The following CPED1 variants were observed in gnomAD, a reference collection of about 807,000 sequenced individuals.
CPED1 encodes the protein cadherin like and PC-esterase domain containing 1.
In CPED1, 114 loss-of-function variants were observed where a neutral mutation model predicts 128.2. That is an observed-to-expected ratio of 0.89 (90% CI 0.76 to 1.04). CPED1 has a LOEUF of 1.04. CPED1 is among the 50% of genes least tolerant of loss of function. CPED1 has a pLI of 0.00. For synonymous variants in CPED1, 462 were observed against 426.7 expected (o/e 1.08, Z -1.02); for missense variants, 1,211 against 1,207.1 (o/e 1.00, Z -0.05).
chr7:121,261,678 A>G (rs369407993), intron 18 of CPED1: 102 of 1,610,706 alleles, frequency 6.3e-5, no homozygotes, highest in Middle Eastern at 1.6e-4. Context: ...AATTGAAGAC[A>G]CAATCCAGTC....
chr7:121,033,582 T>G (rs1792797675), intron 3 of CPED1, among the ~76,000 whole-genome samples: 1 of 152,228 alleles, frequency 6.6e-6, no homozygotes, highest in Non-Finnish European at 1.5e-5. Flanking sequence ...GTTTTATGCC[T>G]TATATCCTCT....
chr7:121,251,764 A>G (rs1380401011), intron 18 of CPED1, among the ~76,000 whole-genome samples: 1 of 149,014 alleles, frequency 6.7e-6, no homozygotes, highest in East Asian at 1.9e-4. Flanking sequence ...AAGGGATGTG[A>G]AGGACCTCTT....
Position 121,295,788 on chromosome 7 carries a change from C to G in CPED1, c.*136C>G. 1 of 635,002 alleles carries G rather than the reference C, an allele frequency of 1.6e-6. No homozygotes were observed. Among genetic ancestry groups the G allele is most frequent in the Non-Finnish European group, 2.8e-6 (1 of 356,790 alleles). 39.3% of individuals were successfully genotyped at this position (635,002 alleles called of 1,614,324 possible). ...TTGTGCACACCAGCACATGCATGCA[C>G]ACCAGTACACACACAGTTAAATAAT... On this transcript the variant is annotated 3_prime_UTR_variant, in exon 23 of 23. Transcript: ENST00000310396.
chr7:121,156,758 TAAAG>T (rs1796293677), intron 16 of CPED1, among the ~76,000 whole-genome samples: 1 of 152,064 alleles, frequency 6.6e-6, no homozygotes. Flanking sequence ...TTAAGAATAA[TAAAG>T]ACAGTAAATT....
At chr7:121,206,162 T>C (rs117392435) in intron 16 of CPED1, among the ~76,000 whole-genome samples, 197 of 152,098 alleles carry the variant, frequency 1.3e-3, no homozygotes, top group Non-Finnish European at 1.8e-3. Context: ...AGGGACCAAA[T>C]GCATAGAAGT....
chr7:121,188,957 A>C (rs1272918010), intron 16 of CPED1, among the ~76,000 whole-genome samples: 1 of 152,090 alleles, frequency 6.6e-6, no homozygotes, highest in Non-Finnish European at 1.5e-5. Context: ...ACTAAAGAAA[A>C]TTGAGGCAAA....
At chr7:121,292,821 C>G (rs1792736693) in intron 22 of CPED1, among the ~76,000 whole-genome samples, 1 of 152,100 alleles carries the variant, frequency 6.6e-6, no homozygotes, top group Non-Finnish European at 1.5e-5. Flanking sequence ...CACCCCAGGC[C>G]CTGTTTACCT....
chr7:121,072,052 T>A (rs564803123), intron 5 of CPED1, among the ~76,000 whole-genome samples: 20 of 152,280 alleles, frequency 1.3e-4, no homozygotes, highest in South Asian at 1.2e-3. Context: ...AGTCATTTTT[T>A]AAATCATAAT....
chr7:121,021,264 A>C lies in CPED1; in HGVS notation c.433+5416A>C, dbSNP rs190322202. ...TGTTGTGGAAAATATAAAAAGGAAGATCTATTTCCTTCCTTGTTTATAATT... is the reference window on the plus strand; with the variant it reads ...TGTTGTGGAAAATATAAAAAGGAAGCTCTATTTCCTTCCTTGTTTATAATT... On this transcript the variant is annotated intron_variant, in intron 3 of 22. Transcript: ENST00000310396. Among the ~76,000 whole-genome samples, 12 of 152,034 alleles carry C rather than the reference A, an allele frequency of 7.9e-5. No homozygotes were observed. In the East Asian group the frequency reaches 2.3e-3, roughly 29 times the overall value.
intron 9 of CPED1, 88 bp from the exon 10 acceptor site, chr7:121,127,002 C>T: frequency 1.0e-6 from 1 of 1,004,564 alleles, no homozygotes; most frequent in Non-Finnish European, 1.4e-6. Flanking sequence ...TATAATCCAA[C>T]AGGAAATAAA....
intron 7 of CPED1, among the ~76,000 whole-genome samples, chr7:121,113,776 C>A (rs1795169600): frequency 6.6e-6 from 1 of 152,078 alleles, no homozygotes; most frequent in African/African-American, 2.4e-5. Flanking sequence ...TGTAAAGTGA[C>A]ACTACTGTCA....
Position 120,989,878 on chromosome 7 carries a change from T to C in CPED1, c.249+8T>C. 6.2e-7 allele frequency: 1 copy of C among 1,613,832 alleles called. No individual in the cohort carries two copies. On this transcript the variant is annotated splice_region_variant and intron_variant, in intron 2 of 22. Transcript: ENST00000310396. The stretch of plus-strand genomic sequence containing the variant: ...GCCCAGGAAACCAGAAAGGTAAGAC[T>C]CTCATAAGCTTAACGGAGACAGTTT...
chr7:121,091,287 G>C (rs1177962748), intron 5 of CPED1, among the ~76,000 whole-genome samples: 5 of 152,132 alleles, frequency 3.3e-5, no homozygotes, highest in African/African-American at 1.2e-4. Flanking sequence ...TTCCTTTCCT[G>C]GGATACTGCA....
intron 3 of CPED1, among the ~76,000 whole-genome samples, chr7:121,037,424 G>A (rs1792923517): frequency 6.6e-6 from 1 of 152,008 alleles, no homozygotes; most frequent in South Asian, 2.1e-4. Flanking sequence ...GTTTTTGTTT[G>A]CTTTTTTGAA....
intron 3 of CPED1, among the ~76,000 whole-genome samples, chr7:121,039,839 T>G (rs1300574955): frequency 6.6e-6 from 1 of 152,094 alleles, no homozygotes; most frequent in East Asian, 1.9e-4. Context: ...TTACACTTTT[T>G]TAAATGGCTA....
chr7:121,172,661 C>CATAGATAGATAGATAGATAG (rs6150319), intron 16 of CPED1, among the ~76,000 whole-genome samples: 4,719 of 145,262 alleles, frequency 0.032, 133 homozygotes, highest in East Asian at 0.11. Flanking sequence ...TGGATGGATA[C>CATAGATAGATAGATAGATAG]ATAGATAGAT....
At chr7:121,109,297 G>A (rs188729124) in intron 7 of CPED1, among the ~76,000 whole-genome samples, 8 of 152,184 alleles carry the variant, frequency 5.3e-5, no homozygotes, top group Middle Eastern at 3.4e-3. Context: ...CCTATAGGGC[G>A]GTCATTCTCT....
At chr7:121,076,782 A>G (rs915017605) in intron 5 of CPED1, 1 of 152,172 alleles carries the variant, frequency 6.6e-6, no homozygotes, top group African/African-American at 2.4e-5. Flanking sequence ...CTTGCTGACT[A>G]TCGGGCTTTA....
At chr7:121,047,739 C>G (rs969769395) in intron 4 of CPED1, among the ~76,000 whole-genome samples, 4 of 140,130 alleles carry the variant, frequency 2.9e-5, no homozygotes, top group African/African-American at 1.1e-4. Context: ...GAGACGTAAT[C>G]TTGCTCCATC....
Sources: gnomAD v4.1 joint callset for allele counts (sites outside exome capture counted in the v4.1 genomes callset) on GRCh38, gnomAD v4.1.1 for gene constraint, MANE v1.5 for transcripts, NCBI Gene and HGNC (gene_info 2026-07-23, HGNC 2026-07-21) for gene names.